ARHGAP26: variants seen among roughly 807,000 people sequenced by gnomAD.
ARHGAP26 encodes the protein Rho GTPase activating protein 26.
In ARHGAP26, 38 loss-of-function variants were observed where a neutral mutation model predicts 104.8. The ratio of observed to expected loss-of-function variants is 0.36; its 90% CI spans 0.28 to 0.48. The LOEUF (loss-of-function observed/expected upper bound fraction) is 0.48. ARHGAP26 is among the 20% of genes least tolerant of loss of function. ARHGAP26 has a pLI of 0.99. For missense variants in ARHGAP26, 704 were observed against 947.9 expected (o/e 0.74, Z 3.38); for synonymous variants, 341 against 340.0 (o/e 1.00, Z -0.03).
At chr5:143,043,725 T>C (rs1475431508) in intron 14 of ARHGAP26, among the ~76,000 whole-genome samples, 1 of 152,178 alleles carries the variant, frequency 6.6e-6, no homozygotes. Flanking sequence ...TGTCAGGTGC[T>C]AGAGATTAAA....
intron 10 of ARHGAP26, among the ~76,000 whole-genome samples, chr5:142,929,572 C>T (rs1764416465): frequency 6.6e-6 from 1 of 152,194 alleles, no homozygotes; most frequent in Non-Finnish European, 1.5e-5. Context: ...CCCTACCCCA[C>T]TTCCCCTGTA....
chr5:142,842,080 G>C (rs757876805), intron 1 of ARHGAP26, among the ~76,000 whole-genome samples: 29 of 152,170 alleles, frequency 1.9e-4, no homozygotes, highest in Non-Finnish European at 2.9e-4. Flanking sequence ...TTTTAAATGG[G>C]AACATTTGGT....
At chr5:143,023,665 G>A (rs1477151568) in intron 12 of ARHGAP26, among the ~76,000 whole-genome samples, 6 of 152,192 alleles carry the variant, frequency 3.9e-5, no homozygotes, top group Non-Finnish European at 8.8e-5. Flanking sequence ...CTGCTGGTCG[G>A]TGGCTTATAA....
rs1226421002 is a variant in ARHGAP26, at chr5:143,012,537, TTATATACATACATACA to T, written c.1108-1536_1108-1521del. On this transcript the variant is annotated intron_variant, in intron 11 of 22. Coordinates refer to ENST00000645722, the MANE Select transcript of ARHGAP26 (RefSeq NM_001135608.3). Reference sequence around the variant, plus strand: ...CATTAGAGTCACTGGAGGGATATATTTATATACATACATACATATATATATATATATATATATATTA... The same window carrying T: ...CATTAGAGTCACTGGAGGGATATATTTATATATATATATATATATATATTA... Among the ~76,000 whole-genome samples the T allele has an allele frequency of 1.7e-4, 3 of 17,646 alleles. 1 individual carries two copies. The highest frequency in any genetic ancestry group is 1.2e-3 in the Admixed American group (1 of 850). The allele number at this position is 17,646 out of a possible 152,430, so 11.6% of individuals were successfully genotyped here.
At chr5:142,841,542 T>C (rs1176767495) in intron 1 of ARHGAP26, among the ~76,000 whole-genome samples, 2 of 152,204 alleles carry the variant, frequency 1.3e-5, no homozygotes, top group African/African-American at 2.4e-5. Flanking sequence ...GGTGACTGTT[T>C]AGTCACACTG....
At chr5:143,011,709 T>C (rs1778783399) in intron 11 of ARHGAP26, among the ~76,000 whole-genome samples, 1 of 152,146 alleles carries the variant, frequency 6.6e-6, no homozygotes, top group African/African-American at 2.4e-5. Flanking sequence ...GAAACCATGA[T>C]CTAGCTCAAG....
chr5:142,873,944 C>A (rs1278607414), intron 2 of ARHGAP26, among the ~76,000 whole-genome samples: 1 of 152,144 alleles, frequency 6.6e-6, no homozygotes, highest in Non-Finnish European at 1.5e-5. Context: ...CATATAAATT[C>A]AATTTATAAT....
intron 1 of ARHGAP26, among the ~76,000 whole-genome samples, chr5:142,836,531 C>T (rs953139108): frequency 6.6e-6 from 1 of 152,198 alleles, no homozygotes; most frequent in Non-Finnish European, 1.5e-5. Flanking sequence ...TGCACTCAGT[C>T]TGAAGTAATT....
At chr5:143,044,877 C>T (rs2150173163) in intron 14 of ARHGAP26, among the ~76,000 whole-genome samples, 1 of 152,058 alleles carries the variant, frequency 6.6e-6, no homozygotes, top group Non-Finnish European at 1.5e-5. Context: ...GCTCTGAAGT[C>T]AGGAAAAAAG....
chr5:143,172,269 A>G (rs973249841), intron 20 of ARHGAP26, among the ~76,000 whole-genome samples: 4 of 152,324 alleles, frequency 2.6e-5, no homozygotes, highest in South Asian at 4.1e-4. Flanking sequence ...ATAACCAAAT[A>G]AAATCCAGGA....
intron 20 of ARHGAP26, among the ~76,000 whole-genome samples, chr5:143,199,647 T>G (rs977278224): frequency 3.9e-5 from 6 of 152,204 alleles, no homozygotes; most frequent in Admixed American, 2.0e-4. Context: ...GAAGGGGAAC[T>G]GACAGCATAA....
At chr5:142,885,446 T>C (rs1253157387) in intron 5 of ARHGAP26, 47 bp downstream of exon 5, 1 of 1,522,972 alleles carries the variant, frequency 6.6e-7, no homozygotes. Flanking sequence ...AATTTGTACA[T>C]GATGCTGTGG....
At chr5:142,977,638 C>T (rs1441805132) in intron 11 of ARHGAP26, among the ~76,000 whole-genome samples, 1 of 152,202 alleles carries the variant, frequency 6.6e-6, no homozygotes, top group African/African-American at 2.4e-5. Flanking sequence ...GTGTGCTCAG[C>T]TTCTTCCAAA....
intron 11 of ARHGAP26, among the ~76,000 whole-genome samples, chr5:142,954,678 T>A (rs1018412788): frequency 1.3e-5 from 2 of 152,204 alleles, no homozygotes; most frequent in Non-Finnish European, 2.9e-5. Flanking sequence ...ATGCAGTACA[T>A]GTTGTATAAG....
chr5:143,022,580 C>A (rs556156028), intron 12 of ARHGAP26, among the ~76,000 whole-genome samples: 1 of 152,176 alleles, frequency 6.6e-6, no homozygotes, highest in South Asian at 2.1e-4. Context: ...TGAATTTGGC[C>A]CAGGGACTGT....
At chr5:142,904,753 G>T (rs1310799914) in intron 8 of ARHGAP26, among the ~76,000 whole-genome samples, 2 of 152,116 alleles carry the variant, frequency 1.3e-5, no homozygotes, top group Non-Finnish European at 2.9e-5. Context: ...TCTTTAGTGG[G>T]TAATTCTTCT....
chr5:143,165,953 T>C, intron 20 of ARHGAP26: 1 of 1,110,212 alleles, frequency 9.0e-7, no homozygotes, highest in Non-Finnish European at 1.2e-6. Flanking sequence ...GCACTTTGCA[T>C]GGCTTCTGGC....
At chr5:143,018,180 T>C (rs1779845295) in intron 12 of ARHGAP26, among the ~76,000 whole-genome samples, 1 of 152,264 alleles carries the variant, frequency 6.6e-6, no homozygotes, top group Admixed American at 6.5e-5. Context: ...TGCCCATTTT[T>C]CTATTTCAGT....
chr5:143,132,876 A>AC (rs1345878246), intron 18 of ARHGAP26, among the ~76,000 whole-genome samples: 1 of 152,032 alleles, frequency 6.6e-6, no homozygotes, highest in African/African-American at 2.4e-5. Context: ...AAAAAAAAAA[A>AC]AACTGTTATC....
Sources: allele counts gnomAD v4.1 joint callset (sites outside exome capture counted in the v4.1 genomes callset), GRCh38; gene constraint gnomAD v4.1.1; transcripts MANE v1.5; gene names NCBI Gene and HGNC (gene_info 2026-07-23, HGNC 2026-07-21).